SLC25A21: variants seen among roughly 807,000 people sequenced by gnomAD.
SLC25A21 encodes the protein mitochondrial 2-oxodicarboxylate carrier.
In SLC25A21, 47 loss-of-function variants were observed where a neutral mutation model predicts 43.8. The observed-to-expected ratio is 1.07, with a 90% confidence interval of 0.85 to 1.37. The LOEUF (loss-of-function observed/expected upper bound fraction) is 1.37. Among genes scored for constraint, SLC25A21 ranks in the 40% most tolerant of loss-of-function variants. The pLI is 0.00. For missense variants in SLC25A21, 352 were observed against 350.2 expected (o/e 1.00, Z -0.04); for synonymous variants, 131 against 121.3 (o/e 1.08, Z -0.52).
At chr14:37,044,935 T>A (rs1426235240) in intron 1 of SLC25A21, among the ~76,000 whole-genome samples, 1 of 152,200 alleles carries the variant, frequency 6.6e-6, no homozygotes, top group Non-Finnish European at 1.5e-5. Flanking sequence ...ACTGAAGAAA[T>A]CTTTTCTCTT....
intron 1 of SLC25A21, among the ~76,000 whole-genome samples, chr14:36,948,257 A>C (rs1345477301): frequency 1.3e-5 from 2 of 152,174 alleles, no homozygotes; most frequent in Non-Finnish European, 1.5e-5. Flanking sequence ...TGCCACTCTA[A>C]TTAACTGGGA....
chr14:36,865,110 TC>T (rs1890177621), intron 2 of SLC25A21, among the ~76,000 whole-genome samples: 1 of 151,914 alleles, frequency 6.6e-6, no homozygotes, highest in South Asian at 2.1e-4. Context: ...TGGCCCAACA[TC>T]CCCTTTCCAA....
chr14:37,053,576 T>G (rs1009142534), intron 1 of SLC25A21, among the ~76,000 whole-genome samples: 2 of 152,380 alleles, frequency 1.3e-5, no homozygotes, highest in East Asian at 3.9e-4. Context: ...TTAACTCATC[T>G]CATAGTCATT....
intron 1 of SLC25A21, among the ~76,000 whole-genome samples, chr14:36,876,917 A>C (rs1890547078): frequency 7.4e-6 from 1 of 134,798 alleles, no homozygotes; most frequent in South Asian, 2.4e-4. Flanking sequence ...AGATAGATAG[A>C]TAGATAGATA....
At chr14:36,779,729 G>C (rs77690607) in intron 3 of SLC25A21, among the ~76,000 whole-genome samples, 6,069 of 148,796 alleles carry the variant, frequency 0.041, 402 homozygotes, top group African/African-American at 0.14. Flanking sequence ...TTGTTATCTT[G>C]GCTATTGTGA....
At chr14:37,072,044 T>C (rs1293102269) in intron 1 of SLC25A21, among the ~76,000 whole-genome samples, 1 of 151,882 alleles carries the variant, frequency 6.6e-6, no homozygotes, top group East Asian at 1.9e-4. Flanking sequence ...TAGCTGGGCA[T>C]GGTGGCAGGC....
chr14:36,953,359 T>C (rs556194214), intron 1 of SLC25A21, among the ~76,000 whole-genome samples: 1 of 152,152 alleles, frequency 6.6e-6, no homozygotes, highest in South Asian at 2.1e-4. Flanking sequence ...CATAAACAGA[T>C]GATATTAATA....
At chr14:37,171,030 G>A (rs1468565922) in intron 1 of SLC25A21, among the ~76,000 whole-genome samples, 7 of 149,962 alleles carry the variant, frequency 4.7e-5, no homozygotes, top group Non-Finnish European at 1.0e-4. Flanking sequence ...TTGGAGCAGC[G>A]AGCCGAGATC....
chr14:37,105,707 TAAAG>T (rs966660556), intron 1 of SLC25A21, among the ~76,000 whole-genome samples: 42 of 152,210 alleles, frequency 2.8e-4, no homozygotes, highest in African/African-American at 1.0e-3. Flanking sequence ...TCACTTATCA[TAAAG>T]AAAGACATAA....
At chr14:37,088,809 G>T (rs184696781) in intron 1 of SLC25A21, among the ~76,000 whole-genome samples, 1 of 152,090 alleles carries the variant, frequency 6.6e-6, no homozygotes, top group African/African-American at 2.4e-5. Context: ...GCAAACGACC[G>T]GCCCACCCGA....
At position 36,894,902 on chromosome 14, in the gene SLC25A21, G is replaced by A. The variant is rs181569511; in HGVS notation, c.71-19898C>T. Among the ~76,000 whole-genome samples the A allele has an allele frequency of 4.2e-3, 634 of 152,270 alleles. 1 individual carries two copies. Among genetic ancestry groups the A allele is most frequent in the Non-Finnish European group, 5.7e-3 (387 of 68,024 alleles). The stretch of plus-strand genomic sequence containing the variant: ...CCAGGGATGAAACCCACTTGATCAC[G>A]GTGGATAAGCTTTTTGATGTGCTGC... On this transcript the variant is annotated intron_variant, in intron 1 of 9. Coordinates refer to ENST00000331299, the MANE Select transcript of SLC25A21 (RefSeq NM_030631.4).
chr14:36,981,930 G>A (rs2138700709), intron 1 of SLC25A21, among the ~76,000 whole-genome samples: 1 of 152,314 alleles, frequency 6.6e-6, no homozygotes, highest in South Asian at 2.1e-4. Context: ...TGTATCTACT[G>A]ATTTTAATCC....
intron 1 of SLC25A21, among the ~76,000 whole-genome samples, chr14:36,916,729 C>G (rs1891843293): frequency 6.6e-6 from 1 of 152,162 alleles, no homozygotes; most frequent in Non-Finnish European, 1.5e-5. Context: ...CTGTTGACTT[C>G]CAAATCTATA....
intron 3 of SLC25A21, among the ~76,000 whole-genome samples, chr14:36,755,385 A>G (rs1244925618): frequency 6.6e-6 from 1 of 152,234 alleles, no homozygotes; most frequent in East Asian, 1.9e-4. Context: ...GTATGCACAC[A>G]AGCACTCATG....
intron 7 of SLC25A21, among the ~76,000 whole-genome samples, chr14:36,704,114 T>A (rs1296204029): frequency 6.6e-6 from 1 of 152,130 alleles, no homozygotes; most frequent in Non-Finnish European, 1.5e-5. Context: ...CTCCTAAAAA[T>A]AAATCTGAAA....
chr14:37,007,336 C>T (rs1027647443), intron 1 of SLC25A21, among the ~76,000 whole-genome samples: 20 of 152,134 alleles, frequency 1.3e-4, no homozygotes, highest in African/African-American at 4.3e-4. Context: ...GGTGCGGTGG[C>T]TCACGCCTGT....
intron 3 of SLC25A21, among the ~76,000 whole-genome samples, chr14:36,794,341 G>A (rs1887597085): frequency 6.6e-6 from 1 of 152,126 alleles, no homozygotes; most frequent in Admixed American, 6.5e-5. Flanking sequence ...TTAATAACAT[G>A]AATTTCAATG....
intron 6 of SLC25A21, among the ~76,000 whole-genome samples, chr14:36,721,252 A>G (rs1417055260): frequency 1.3e-5 from 2 of 152,262 alleles, no homozygotes; most frequent in Non-Finnish European, 2.9e-5. Context: ...ATGCCAGGCC[A>G]TACTGACAGC....
chr14:36,679,076 G>C lies in SLC25A21; in HGVS notation c.*1582C>G. ...ATCTGATCCACATGGAGAGGTTAAA[G>C]GTTCAATTTCATGACCTCTATGCAG... is the stretch of plus-strand genomic sequence containing the variant. On this transcript the variant is annotated 3_prime_UTR_variant, in exon 10 of 10. Coordinates refer to ENST00000331299, the MANE Select transcript of SLC25A21 (RefSeq NM_030631.4). 1.0e-6 allele frequency: 1 copy of C among 985,372 alleles called. No individual in the cohort carries two copies. Among genetic ancestry groups the C allele is most frequent in the Non-Finnish European group, 1.2e-6 (1 of 829,926 alleles). 61.0% of individuals were successfully genotyped at this position (985,372 alleles called of 1,614,324 possible).
Sources: allele counts gnomAD v4.1 joint callset (sites outside exome capture counted in the v4.1 genomes callset), GRCh38; gene constraint gnomAD v4.1.1; transcripts MANE v1.5; gene names NCBI Gene and HGNC (gene_info 2026-07-23, HGNC 2026-07-21).